The following SUSD6 variants were observed in gnomAD, a reference collection of about 807,000 sequenced individuals.
SUSD6 encodes sushi domain-containing protein 6.
In SUSD6, 16 loss-of-function variants were observed where a neutral mutation model predicts 28.4. That is an observed-to-expected ratio of 0.56 (90% CI 0.38 to 0.86). SUSD6 has a LOEUF of 0.86. SUSD6 is among the 40% of genes least tolerant of loss of function. The pLI is 0.00. For missense variants in SUSD6, 341 were observed against 384.2 expected, an observed-to-expected ratio of 0.89 and a Z score of 0.94; for synonymous variants, 147 against 159.6, an observed-to-expected ratio of 0.92 and a Z score of 0.59.
intron 1 of SUSD6, chr14:69,617,624 A>G (rs1194868296): frequency 6.6e-6 from 1 of 152,238 alleles, no homozygotes; most frequent in Non-Finnish European, 1.5e-5. Context: ...AAACAAATAA[A>G]GAGGATTTTC....
At chr14:69,686,199 A>G (rs768966718) in intron 2 of SUSD6, among the ~76,000 whole-genome samples, 1 of 152,224 alleles carries the variant, frequency 6.6e-6, no homozygotes, top group Non-Finnish European at 1.5e-5. Context: ...AGCCCTGCTC[A>G]GTTGTGAAGA....
chr14:69,653,784 C>T (rs1373841003), intron 1 of SUSD6, among the ~76,000 whole-genome samples: 1 of 99,744 alleles, frequency 1.0e-5, no homozygotes. Context: ...TGTACTAAAG[C>T]CACAATCCAA....
chr14:69,614,302 G>C (rs1884926804), intron 1 of SUSD6, among the ~76,000 whole-genome samples: 1 of 152,160 alleles, frequency 6.6e-6, no homozygotes, highest in South Asian at 2.1e-4. Context: ...CCTGACCTCA[G>C]GTGATCTGCC....
At chr14:69,688,879 A>T (rs934847769) in intron 2 of SUSD6, among the ~76,000 whole-genome samples, 3 of 152,152 alleles carry the variant, frequency 2.0e-5, no homozygotes, top group Non-Finnish European at 4.4e-5. Flanking sequence ...ATCTCATCTC[A>T]TGGAAGAGGA....
At chr14:69,682,709 G>C (rs1327387638) in intron 2 of SUSD6, among the ~76,000 whole-genome samples, 1 of 152,198 alleles carries the variant, frequency 6.6e-6, no homozygotes, top group Non-Finnish European at 1.5e-5. Context: ...CTAAGAGAAA[G>C]AGAAAGTGGG....
chr14:69,656,002 C>T (rs1236316315), intron 1 of SUSD6, among the ~76,000 whole-genome samples: 1 of 152,094 alleles, frequency 6.6e-6, no homozygotes, highest in Non-Finnish European at 1.5e-5. Flanking sequence ...CTGCTTAGCC[C>T]CTGCCTCCAG....
intron 1 of SUSD6, among the ~76,000 whole-genome samples, chr14:69,623,332 A>G (rs895650560): frequency 2.0e-5 from 3 of 152,166 alleles, no homozygotes; most frequent in South Asian, 2.1e-4. Context: ...AAAAATTTCT[A>G]TCATCTAGTG....
intron 5 of SUSD6, 57 bp downstream of exon 5, chr14:69,709,161 G>A: frequency 2.1e-6 from 3 of 1,401,142 alleles, no homozygotes; most frequent in Non-Finnish European, 2.9e-6. Context: ...TGCTGGGAGT[G>A]AGGAAGGACT....
At chr14:69,684,208 A>G (rs576434013) in intron 2 of SUSD6, among the ~76,000 whole-genome samples, 1 of 152,316 alleles carries the variant, frequency 6.6e-6, no homozygotes, top group East Asian at 1.9e-4. Context: ...TCCAAGTGAC[A>G]CCAGTCATTT....
intron 2 of SUSD6, among the ~76,000 whole-genome samples, chr14:69,671,828 A>G (rs143969074): frequency 1.1e-3 from 173 of 152,202 alleles, no homozygotes; most frequent in African/African-American, 3.9e-3. Context: ...TCTTGGTGCT[A>G]TTGTTCTCAA....
intron 1 of SUSD6, among the ~76,000 whole-genome samples, chr14:69,616,678 T>C (rs1884963852): frequency 6.6e-6 from 1 of 152,118 alleles, no homozygotes; most frequent in African/African-American, 2.4e-5. Context: ...AGATTACAGA[T>C]AGCTTGGAAA....
At chr14:69,639,956 GTTTTTTTT>G (rs11463756) in intron 1 of SUSD6, among the ~76,000 whole-genome samples, 1 of 81,640 alleles carries the variant, frequency 1.2e-5, no homozygotes, top group African/African-American at 4.7e-5. Flanking sequence ...CACCTACACT[GTTTTTTTT>G]TTTTTTTTTT....
At chr14:69,646,330 G>A (rs1039577884) in intron 1 of SUSD6, among the ~76,000 whole-genome samples, 7 of 152,038 alleles carry the variant, frequency 4.6e-5, no homozygotes, top group Non-Finnish European at 8.8e-5. Flanking sequence ...TTATAAGTTA[G>A]CATTCTCCCT....
chr14:69,626,163 A>G (rs1415104997), intron 1 of SUSD6, among the ~76,000 whole-genome samples: 2 of 152,178 alleles, frequency 1.3e-5, no homozygotes, highest in East Asian at 3.9e-4. Flanking sequence ...TTTCCAGAGA[A>G]TGCGAGATTC....
At chr14:69,631,921 G>T (rs1229994888) in intron 1 of SUSD6, among the ~76,000 whole-genome samples, 3 of 152,206 alleles carry the variant, frequency 2.0e-5, no homozygotes, top group Non-Finnish European at 4.4e-5. Context: ...ATCTGTCACA[G>T]GTGGGAGGGA....
chr14:69,632,537 G>C (rs947423644), intron 1 of SUSD6, among the ~76,000 whole-genome samples: 2 of 152,000 alleles, frequency 1.3e-5, no homozygotes, highest in Non-Finnish European at 2.9e-5. Context: ...CTGTTGAGAC[G>C]TATTTGTCAT....
chr14:69,623,067 TA>T (rs1885065007), intron 1 of SUSD6, among the ~76,000 whole-genome samples: 1 of 152,198 alleles, frequency 6.6e-6, no homozygotes, highest in Non-Finnish European at 1.5e-5. Context: ...ACCGGTATGA[TA>T]GCACATGTTG....
intron 5 of SUSD6, among the ~76,000 whole-genome samples, chr14:69,709,361 C>A (rs1181171214): frequency 6.6e-6 from 1 of 152,108 alleles, no homozygotes; most frequent in African/African-American, 2.4e-5. Context: ...GTCACAGAGC[C>A]TTGCTAAATC....
At chr14:69,705,736 C>G in intron 4 of SUSD6, among the ~76,000 whole-genome samples, 1 of 152,190 alleles carries the variant, frequency 6.6e-6, no homozygotes, top group East Asian at 1.9e-4. Flanking sequence ...TAAGGAGAAA[C>G]AAAGGAAGTG....
Sources: gnomAD v4.1 joint callset for allele counts (sites outside exome capture counted in the v4.1 genomes callset) on GRCh38, gnomAD v4.1.1 for gene constraint, MANE v1.5 for transcripts, NCBI Gene and HGNC (gene_info 2026-07-23, HGNC 2026-07-21) for gene names.